Variants in TRPV5 observed in about 807,000 individuals in gnomAD.
TRPV5 encodes transient receptor potential cation channel subfamily V member 5.
TRPV5 carries 66 observed loss-of-function variants against 74.1 expected under a neutral mutation model. The observed-to-expected ratio is 0.89, with a 90% CI of 0.73 to 1.09. TRPV5 has a LOEUF of 1.09. TRPV5 is among the 50% of genes least tolerant of loss of function. The pLI is 0.00. For missense variants in TRPV5, 936 were observed against 930.4 expected, an observed-to-expected ratio of 1.01 and a Z score of -0.08; for synonymous variants, 399 against 360.7, an observed-to-expected ratio of 1.11 and a Z score of -1.20.
At position 142,928,718 on chromosome 7, in the gene TRPV5, C is replaced by T. The variant is rs1563377441; in HGVS notation, c.735G>A (p.Lys245=). 6.2e-7 allele frequency: 1 copy of T among 1,614,078 alleles called. No homozygotes were observed. ...CAGTGTTACCCTCCACTCCAGCCAGCTTGAAGGGGGTGAGACCCTGGTGAT... is the reference window on the plus strand; with the variant it reads ...CAGTGTTACCCTCCACTCCAGCCAGTTTGAAGGGGGTGAGACCCTGGTGAT... The part of the protein sequence containing the change: ...VPNHQGLTPF[K]LAGVEGNTVM... Residue 245 remains lysine, a synonymous_variant, in exon 6 of 15, where the codon AAG becomes AAA. Coordinates refer to ENST00000265310, the MANE Select transcript of TRPV5 (RefSeq NM_019841.7).
In TRPV5 at chr7:142,928,856, T is replaced by C. The variant is rs770288267; in HGVS notation, c.597A>G (p.Val199=). Residue 199 remains valine, a synonymous_variant, in exon 6 of 15, where the codon GTA becomes GTG. Transcript: ENST00000265310. Reference sequence around the variant, plus strand: ...TGGGCTGGAGGATGAGGATGTGTAATACTGTGTTTCCTGGGGAGGACGCAG... The same window carrying C: ...TGGGCTGGAGGATGAGGATGTGTAACACTGTGTTTCCTGGGGAGGACGCAG... ...IRAQDSLGNT[V]LHILILQPNK... is the part of the protein sequence containing the mutation. 6 of 1,613,990 alleles carry C rather than the reference T, an allele frequency of 3.7e-6. No homozygotes were observed. The highest frequency in any genetic ancestry group is 1.7e-5 in the Admixed American group (1 of 60,004).
chr7:142,915,193 G>C, intron 10 of TRPV5, 114 bp downstream of exon 10: 1 of 1,518,850 alleles, frequency 6.6e-7, no homozygotes, highest in Non-Finnish European at 9.0e-7. Flanking sequence ...AAGTCCACTG[G>C]AGAGAAGTCC....
At chr7:142,933,293 T>A in intron 1 of TRPV5, 39 bp downstream of exon 1, 1 of 1,607,810 alleles carries the variant, frequency 6.2e-7, no homozygotes, top group African/African-American at 1.3e-5. Context: ...GGTCTGAGGA[T>A]CACGGCGGTA....
Position 142,915,308 on chromosome 7 carries a change from T to G in TRPV5, c.1285A>C (p.Ile429Leu). 1 of 1,610,348 alleles carries G rather than the reference T, an allele frequency of 6.2e-7. No individual in the cohort carries two copies. Among genetic ancestry groups the G allele is most frequent in the Non-Finnish European group, 8.5e-7 (1 of 1,179,058 alleles). Residue 429 changes from isoleucine (I) to leucine (L), a missense_variant and splice_region_variant, in exon 10 of 15, where the codon ATC (isoleucine) becomes CTC (leucine). By Grantham distance (5) the Ile-to-Leu change is conservative (BLOSUM62 2). Coordinates refer to ENST00000265310, the MANE Select transcript of TRPV5 (RefSeq NM_019841.7). ...GGGCTGGAATGAGGGGATACTCACA[T>G]GATGACATGGAATGGCCCCCCAAGA... is the stretch of plus-strand genomic sequence containing the variant. ...TILGGPFHVIIITYASLVLVT... is the reference protein window; with the variant it reads ...TILGGPFHVILITYASLVLVT...
intron 10 of TRPV5, 90 bp from the exon 11 acceptor site, chr7:142,915,136 C>T: frequency 6.5e-7 from 1 of 1,543,374 alleles, no homozygotes; most frequent in Non-Finnish European, 8.8e-7. Context: ...TATCCACACA[C>T]TCAGGCTTAG....
chr7:142,916,147 A>G (rs1225445290), intron 8 of TRPV5, among the ~76,000 whole-genome samples: 1 of 152,252 alleles, frequency 6.6e-6, no homozygotes, highest in Non-Finnish European at 1.5e-5. Flanking sequence ...TGAAGCTTAC[A>G]TTAATGATAT....
At chr7:142,917,499 GC>G (rs939806064) in intron 8 of TRPV5, among the ~76,000 whole-genome samples, 1 of 152,122 alleles carries the variant, frequency 6.6e-6, no homozygotes, top group African/African-American at 2.4e-5. Context: ...CTAGAATCCA[GC>G]CAGGGAGTCA....
rs1796135843 is a variant in TRPV5, at chr7:142,933,588, T to G, written c.-129A>C. On this transcript the variant is annotated 5_prime_UTR_variant, in exon 1 of 15. Coordinates refer to ENST00000265310, the MANE Select transcript of TRPV5 (RefSeq NM_019841.7). ...CTCTGAGTTTATCTCCTGTATGACT[T>G]GTGTATGCAGCATGCAGCTTGTAGG... 7.8e-7 allele frequency: 1 copy of G among 1,284,950 alleles called. No homozygotes were observed. The highest frequency in any genetic ancestry group is 2.2e-5 in the Admixed American group (1 of 45,580). The allele number at this position is 1,284,950 out of a possible 1,614,324, so 79.6% of individuals were successfully genotyped here. A position where few individuals can be genotyped will look rare whatever the true frequency, so the allele number is the denominator to read the frequency against.
chr7:142,929,901 G>T (rs1377535225), intron 3 of TRPV5, among the ~76,000 whole-genome samples, 157 bp downstream of exon 3: 2 of 152,114 alleles, frequency 1.3e-5, no homozygotes, highest in Admixed American at 6.5e-5. Context: ...TAAAAGCCAA[G>T]ACCAGGACCT....
Position 142,933,735 on chromosome 7 carries a change from G to A in TRPV5, c.-276C>T, listed in dbSNP as rs1322261309. ...AGGTGGTGTGTGTGCATGCAGGTGC[G>A]CTGAGGGGACTGACCGCCCTGCCTG... is the stretch of plus-strand genomic sequence containing the variant. On this transcript the variant is annotated 5_prime_UTR_variant, in exon 1 of 15. Coordinates refer to ENST00000265310, the MANE Select transcript of TRPV5 (RefSeq NM_019841.7). 13 of 412,800 alleles carry A rather than the reference G, an allele frequency of 3.1e-5. No individual in the cohort carries two copies. Among genetic ancestry groups the A allele is most frequent in the South Asian group, 2.3e-4 (5 of 21,464 alleles). The allele number at this position is 412,800 out of a possible 1,614,324, so 25.6% of individuals were successfully genotyped here. A position where few individuals can be genotyped will look rare whatever the true frequency, so the allele number is the denominator to read the frequency against.
At chr7:142,928,580 G>A in intron 6 of TRPV5, 111 bp downstream of exon 6, 1 of 1,425,232 alleles carries the variant, frequency 7.0e-7, no homozygotes, top group Non-Finnish European at 9.3e-7. Flanking sequence ...GGAGTTTGGG[G>A]AAAAGGGATT....
intron 3 of TRPV5, 96 bp downstream of exon 3, chr7:142,929,962 C>T (rs1796056616): frequency 5.7e-6 from 9 of 1,582,752 alleles, no homozygotes; most frequent in South Asian, 1.1e-5. Flanking sequence ...CTCCATCACC[C>T]CACCCCAACC....
Position 142,908,417 on chromosome 7 carries a change from G to T in TRPV5, c.*97C>A, listed in dbSNP as rs1795644536. On this transcript the variant is annotated 3_prime_UTR_variant, in exon 15 of 15. Transcript: ENST00000265310. ...CTGTCTCACCCTCCCATGATTAACA[G>T]GCACAGAAGTTAGACACTTGCATAG... The T allele has an allele frequency of 1.5e-6, 2 of 1,357,412 alleles. No individual in the cohort carries two copies. Among genetic ancestry groups the T allele is most frequent in the Non-Finnish European group, 2.1e-6 (2 of 975,556 alleles). The allele number at this position is 1,357,412 out of a possible 1,614,324, so 84.1% of individuals were successfully genotyped here. A position where few individuals can be genotyped will look rare whatever the true frequency, so the allele number is the denominator to read the frequency against.
At position 142,908,185 on chromosome 7, in the gene TRPV5, C is replaced by A; in HGVS notation, c.*329G>T. 1 of 365,568 alleles carries A rather than the reference C, an allele frequency of 2.7e-6. No individual in the cohort carries two copies. Among genetic ancestry groups the A allele is most frequent in the Non-Finnish European group, 5.0e-6 (1 of 200,902 alleles). The allele number at this position is 365,568 out of a possible 1,614,324, so 22.6% of individuals were successfully genotyped here. On this transcript the variant is annotated 3_prime_UTR_variant, in exon 15 of 15. Transcript: ENST00000265310. ...GGAGCCAGAAAAGCCTCACAGCTTACTACTTTCTAGGGGCTGCGTGGGGCA... is the reference window on the plus strand; with the variant it reads ...GGAGCCAGAAAAGCCTCACAGCTTAATACTTTCTAGGGGCTGCGTGGGGCA...
intron 7 of TRPV5, among the ~76,000 whole-genome samples, chr7:142,926,781 T>G (rs1376540788): frequency 6.6e-6 from 1 of 152,230 alleles, no homozygotes; most frequent in Non-Finnish European, 1.5e-5. Flanking sequence ...ACAGTGGGAT[T>G]GTGCTTTTAA....
At chr7:142,921,831 C>A (rs1408652903) in intron 8 of TRPV5, among the ~76,000 whole-genome samples, 1 of 152,182 alleles carries the variant, frequency 6.6e-6, no homozygotes, top group African/African-American at 2.4e-5. Flanking sequence ...GTACCCAACC[C>A]AACTCTCTGT....
chr7:142,913,076 C>A (rs1376209045), intron 12 of TRPV5, among the ~76,000 whole-genome samples: 1 of 152,188 alleles, frequency 6.6e-6, no homozygotes, highest in Non-Finnish European at 1.5e-5. Flanking sequence ...GGTCACCTAA[C>A]TGGTTTTTGC....
intron 8 of TRPV5, among the ~76,000 whole-genome samples, chr7:142,920,179 G>A (rs183629934): frequency 6.6e-6 from 1 of 152,312 alleles, no homozygotes; most frequent in Non-Finnish European, 1.5e-5. Context: ...CATAAAGAGA[G>A]AGAGAGAGAT....
chr7:142,929,990 T>C (rs894656001), intron 3 of TRPV5, 68 bp downstream of exon 3: 1 of 1,609,862 alleles, frequency 6.2e-7, no homozygotes, highest in Non-Finnish European at 8.5e-7. Flanking sequence ...CAGAGGCCAA[T>C]TTTAAGAGAC....
Sources: allele counts gnomAD v4.1 joint callset (sites outside exome capture counted in the v4.1 genomes callset), GRCh38; gene constraint gnomAD v4.1.1; transcripts MANE v1.5; gene names NCBI Gene and HGNC (gene_info 2026-07-23, HGNC 2026-07-21).